HCLS1: variants seen among roughly 807,000 people sequenced by gnomAD.
HCLS1 encodes hematopoietic cell-specific Lyn substrate 1, also known as hematopoietic lineage cell-specific protein.
Under a neutral mutation model 68.6 loss-of-function variants are expected in HCLS1, and 44 were observed. The ratio of observed to expected loss-of-function variants is 0.64; its 90% CI spans 0.50 to 0.82. The LOEUF (loss-of-function observed/expected upper bound fraction) is 0.82. Ranked by LOEUF, HCLS1 falls within the 40% of genes least tolerant of loss-of-function variation. HCLS1 has a pLI of 0.00. For missense variants in HCLS1, 602 were observed against 612.1 expected (o/e 0.98, Z 0.17); for synonymous variants, 217 against 225.8 (o/e 0.96, Z 0.35).
At chr3:121,639,849 C>T (rs534248229) in intron 6 of HCLS1, among the ~76,000 whole-genome samples, 2,573 of 152,176 alleles carry the variant, frequency 0.017, 61 homozygotes, top group African/African-American at 0.058. Context: ...TAAGTTTCTA[C>T]TTTAAGAGGC....
At chr3:121,646,599 AAT>A (rs1221826889) in intron 4 of HCLS1, among the ~76,000 whole-genome samples, 7 of 111,706 alleles carry the variant, frequency 6.3e-5, no homozygotes, top group African/African-American at 1.8e-4. Context: ...AATATATATT[AAT>A]ATATATACTT....
chr3:121,638,032 G>C (rs1476385110), intron 6 of HCLS1, among the ~76,000 whole-genome samples: 2 of 152,098 alleles, frequency 1.3e-5, no homozygotes, highest in African/African-American at 4.8e-5. Context: ...TATGTGTGAA[G>C]ATAATTATGA....
chr3:121,643,268 T>C (rs2049217647), intron 5 of HCLS1: 1 of 264,400 alleles, frequency 3.8e-6, no homozygotes, highest in African/African-American at 2.1e-5. Flanking sequence ...TCTTTCAATA[T>C]AAAATCAGGA....
At chr3:121,653,537 G>A (rs1937795381) in intron 3 of HCLS1, 1 of 152,142 alleles carries the variant, frequency 6.6e-6, no homozygotes, top group African/African-American at 2.4e-5. Context: ...GCTCTTCCCA[G>A]TACCCCTGTG....
chr3:121,640,865 GGC>G (rs1231751289), intron 6 of HCLS1, among the ~76,000 whole-genome samples: 1 of 148,676 alleles, frequency 6.7e-6, no homozygotes, highest in Non-Finnish European at 1.5e-5. Context: ...GGCAGGGCAG[GGC>G]AGGGAAGAGA....
chr3:121,635,673 G>A, intron 9 of HCLS1, 62 bp downstream of exon 9: 2 of 1,312,154 alleles, frequency 1.5e-6, no homozygotes, highest in Non-Finnish European at 2.2e-6. Context: ...TATAGTCTGG[G>A]GAAGAAAAAG....
Position 121,632,520 on chromosome 3 carries a change from C to A in HCLS1, c.1052G>T (p.Gly351Val), listed in dbSNP as rs1387331161. The change falls in exon 12 of 14, where the codon GGC becomes GTC. Residue 351 changes from glycine (G) to valine (V), a missense_variant. Transcript: ENST00000314583. ...CACTGGCTCTTCCTCCACCTGGAGG[C>A]CTTCCAGAGTCCTAGGGGGCAGAGC... ...PPALPPRTLE[G>V]LQVEEEPVYE... The A allele has an allele frequency of 4.3e-6, 7 of 1,612,532 alleles. No homozygotes were observed. Among genetic ancestry groups the A allele is most frequent in the Non-Finnish European group, 5.9e-6 (7 of 1,179,966 alleles).
At chr3:121,638,882 A>C (rs1328926993) in intron 6 of HCLS1, among the ~76,000 whole-genome samples, 1 of 152,112 alleles carries the variant, frequency 6.6e-6, no homozygotes, top group African/African-American at 2.4e-5. Context: ...GAAGCTCTCA[A>C]ATAAAAGAAA....
rs769914693 is a variant in HCLS1, at chr3:121,634,244, G to C, written c.866C>G (p.Ala289Gly). The C allele has an allele frequency of 6.2e-7, 1 of 1,614,158 alleles. No homozygotes were observed. The highest frequency in any genetic ancestry group is 8.5e-7 in the Non-Finnish European group (1 of 1,180,044). Residue 289 changes from alanine to glycine, a missense_variant, in exon 10 of 14, where the codon GCA becomes GGA. By Grantham distance (60) the Ala-to-Gly change is moderately conservative. Transcript: ENST00000314583. Reference sequence around the variant, plus strand: ...TTTCTTGGGCAGTGGGGCCGGTACTGCTGGCTCTTCCATAGCTATCACTGG... The same window carrying C: ...TTTCTTGGGCAGTGGGGCCGGTACTCCTGGCTCTTCCATAGCTATCACTGG... ...PQPVIAMEEP[A>G]VPAPLPKKIS...
At chr3:121,648,810 C>G (rs146614877) in intron 3 of HCLS1, among the ~76,000 whole-genome samples, 1 of 152,122 alleles carries the variant, frequency 6.6e-6, no homozygotes, top group Non-Finnish European at 1.5e-5. Context: ...GGAAGAACCC[C>G]CTGTTCCCAT....
intron 4 of HCLS1, among the ~76,000 whole-genome samples, chr3:121,646,157 T>A (rs370446441): frequency 1.0e-4 from 8 of 76,848 alleles, no homozygotes; most frequent in East Asian, 4.7e-4. Flanking sequence ...AGTATATATA[T>A]AATATATCTT....
intron 8 of HCLS1, among the ~76,000 whole-genome samples, 164 bp downstream of exon 8, chr3:121,636,270 G>A (rs2049150487): frequency 1.3e-5 from 2 of 152,222 alleles, no homozygotes; most frequent in Admixed American, 1.3e-4. Flanking sequence ...ATGCCCCTTA[G>A]ATGCTGAGGG....
rs527736854 is a variant in HCLS1 at position 121,644,547 on chromosome 3, T to C, written c.399+271A>G. 1.2e-3 allele frequency: 673 copies of C among 557,286 alleles called. 11 individuals are homozygous for C. The highest frequency in any genetic ancestry group is 7.5e-3 in the Middle Eastern group (15 of 1,994). The allele number at this position is 557,286 out of a possible 1,614,324, so 34.5% of individuals were successfully genotyped here. A position where few individuals can be genotyped will look rare whatever the true frequency, so the allele number is the denominator to read the frequency against. ...TCTATCTTCATGCATATGAGTATAA[T>C]AAAAACCAGTGGCTTGAGGAATTAT... is the stretch of plus-strand genomic sequence containing the variant. On this transcript the variant is annotated intron_variant, in intron 5 of 13. Transcript: ENST00000314583.
At chr3:121,653,930 A>G (rs977872068) in intron 3 of HCLS1, 2 of 152,214 alleles carry the variant, frequency 1.3e-5, no homozygotes, top group African/African-American at 4.8e-5. Context: ...AATTGAGAAT[A>G]TGTGTTTAGA....
chr3:121,646,209 TA>T (rs1204338238), intron 4 of HCLS1, among the ~76,000 whole-genome samples: 129 of 111,950 alleles, frequency 1.2e-3, no homozygotes, highest in Non-Finnish European at 1.8e-3. Context: ...ATATTATTTA[TA>T]TTTTTATATA....
intron 3 of HCLS1, among the ~76,000 whole-genome samples, chr3:121,649,956 C>CA (rs1004997150): frequency 1.2e-4 from 18 of 151,906 alleles, no homozygotes; most frequent in Non-Finnish European, 1.3e-4. Context: ...AGAATTCACA[C>CA]AAAAAAAGCT....
intron 4 of HCLS1, among the ~76,000 whole-genome samples, chr3:121,645,765 C>A (rs532675527): frequency 1.3e-4 from 19 of 150,734 alleles, no homozygotes; most frequent in South Asian, 4.2e-4. Context: ...ACTCATGAAC[C>A]AATGAATGAG....
At chr3:121,652,592 G>A (rs1362071978) in intron 3 of HCLS1, among the ~76,000 whole-genome samples, 1 of 151,988 alleles carries the variant, frequency 6.6e-6, no homozygotes. Flanking sequence ...AGGCAGAGGC[G>A]GAGGTTTCAG....
chr3:121,655,692 T>C (rs1937850371), intron 3 of HCLS1: 1 of 148,268 alleles, frequency 6.7e-6, no homozygotes, highest in Non-Finnish European at 1.5e-5. Context: ...TTTTTTTTTT[T>C]TTTTTTTGAT....
Sources: allele counts gnomAD v4.1 joint callset (sites outside exome capture counted in the v4.1 genomes callset), GRCh38; gene constraint gnomAD v4.1.1; transcripts MANE v1.5; gene names NCBI Gene and HGNC (gene_info 2026-07-23, HGNC 2026-07-21).